PIK3C2G: variants seen among roughly 807,000 people sequenced by gnomAD.
The protein encoded by PIK3C2G is phosphatidylinositol 3-kinase C2 domain-containing subunit gamma.
A neutral mutation model predicts 181.1 loss-of-function variants in PIK3C2G; 168 were observed. The ratio of observed to expected loss-of-function variants is 0.93; its 90% confidence interval spans 0.82 to 1.05. The LOEUF is 1.05. Among genes scored for constraint, PIK3C2G ranks in the 50% least tolerant of loss-of-function variants. The pLI is 0.00. For synonymous variants in PIK3C2G, 573 were observed against 592.2 expected (o/e 0.97, Z 0.47); for missense variants, 1,869 against 1,732.8 (o/e 1.08, Z -1.40).
downstream of PIK3C2G, among the ~76,000 whole-genome samples, chr12:18,649,384 T>C (rs1950321779): frequency 2.0e-5 from 3 of 152,168 alleles, no homozygotes; most frequent in Admixed American, 6.6e-5. Context: ...TCCCATCTCC[T>C]CTGACCTACT....
chr12:18,466,550 A>G (rs1276927536), intron 18 of PIK3C2G, among the ~76,000 whole-genome samples: 1 of 151,912 alleles, frequency 6.6e-6, no homozygotes, highest in Non-Finnish European at 1.5e-5. Context: ...TTATTCATAT[A>G]ATTGCTTTAC....
rs76797720 is a variant in PIK3C2G, at chr12:18,494,645, C to T, written c.2794-1417C>T. Among the ~76,000 whole-genome samples, 736 of 152,166 alleles carry T rather than the reference C, an allele frequency of 4.8e-3. 3 individuals are homozygous for T. Among genetic ancestry groups the T allele is most frequent in the African/African-American group, 0.017 (697 of 41,526 alleles). ...TTCAGCCTCCCTGAACTTGGGATAA[C>T]TCAAAGAGATTCCCCACATATTCAA... is the stretch of plus-strand genomic sequence containing the variant. On this transcript the variant is annotated intron_variant, in intron 20 of 32. Transcript: ENST00000538779.
intron 6 of PIK3C2G, among the ~76,000 whole-genome samples, chr12:18,318,338 CTT>C (rs1261622686): frequency 1.3e-5 from 2 of 152,060 alleles, no homozygotes; most frequent in African/African-American, 4.8e-5. Flanking sequence ...TATTGATTAA[CTT>C]AATATAACTG....
chr12:18,394,103 T>C (rs1413930757), intron 15 of PIK3C2G, among the ~76,000 whole-genome samples: 4 of 152,046 alleles, frequency 2.6e-5, no homozygotes, highest in Non-Finnish European at 5.9e-5. Context: ...CTGGGAGACA[T>C]AGAAATTCTG....
intron 29 of PIK3C2G, among the ~76,000 whole-genome samples, chr12:18,591,807 G>A (rs1371453833): frequency 2.0e-5 from 3 of 151,808 alleles, no homozygotes; most frequent in Non-Finnish European, 2.9e-5. Context: ...TTAAAGGGTA[G>A]CAAGATAAGT....
At chr12:18,646,339 T>C (rs981498630) in intron 32 of PIK3C2G, among the ~76,000 whole-genome samples, 3 of 152,192 alleles carry the variant, frequency 2.0e-5, no homozygotes, top group Non-Finnish European at 4.4e-5. Flanking sequence ...TAATCTCCTG[T>C]ATGGAATGAG....
chr12:18,346,111 C>G (rs187281579), intron 10 of PIK3C2G, among the ~76,000 whole-genome samples: 1 of 152,306 alleles, frequency 6.6e-6, no homozygotes, highest in Admixed American at 6.5e-5. Context: ...CATCATAAAT[C>G]TTTCATTTCA....
In PIK3C2G at chr12:18,497,759, A is replaced by T. The variant is rs1196535446; in HGVS notation, c.3016+11A>T. On this transcript the variant is annotated intron_variant, in intron 22 of 32. Transcript: ENST00000538779. ...CAGGAAAAGACCAAGGTCAGTATAG[A>T]TTAGAAAGTGCGCTGGCTCACATTA... 6.3e-7 allele frequency: 1 copy of T among 1,576,822 alleles called. No individual in the cohort carries two copies. The highest frequency in any genetic ancestry group is 8.6e-7 in the Non-Finnish European group (1 of 1,159,020).
the PIK3C2G span, chr12:18,719,637 AAAAAT>A: frequency 6.4e-6 from 10 of 1,574,750 alleles, no homozygotes; most frequent in South Asian, 2.3e-5. Flanking sequence ...TCCTAACTAA[AAAAAT>A]AAAATAAAAT....
intron 30 of PIK3C2G, among the ~76,000 whole-genome samples, chr12:18,597,186 C>A (rs184160379): frequency 6.7e-6 from 1 of 150,318 alleles, no homozygotes; most frequent in Admixed American, 6.6e-5. Flanking sequence ...ACCAAAACAC[C>A]GAGAAAAATC....
chr12:18,374,917 C>T lies in PIK3C2G; in HGVS notation c.1880+3606C>T, dbSNP rs1272972066. On this transcript the variant is annotated intron_variant, in intron 13 of 32. Transcript: ENST00000538779. Reference sequence around the variant, plus strand: ...ATGATTGTAAGCTTCTTGAGACCTCCCCAGAAGCCCAGCAGATGCCAGCAC... The same window carrying T: ...ATGATTGTAAGCTTCTTGAGACCTCTCCAGAAGCCCAGCAGATGCCAGCAC... 2.0e-5 allele frequency among the ~76,000 whole-genome samples: 3 copies of T among 152,152 alleles called. No individual in the cohort carries two copies. The East Asian group carries it at 5.8e-4, about 29-fold the overall frequency.
At chr12:18,647,244 G>A (rs930592469) in intron 32 of PIK3C2G, among the ~76,000 whole-genome samples, 4 of 151,864 alleles carry the variant, frequency 2.6e-5, no homozygotes, top group African/African-American at 7.3e-5. Flanking sequence ...ATAGAAATTG[G>A]TCTGTTTCAT....
the PIK3C2G span, among the ~76,000 whole-genome samples, chr12:18,723,869 T>C: frequency 6.6e-6 from 1 of 152,082 alleles, no homozygotes; most frequent in Admixed American, 6.6e-5. Context: ...CCAGGCAGTG[T>C]GTAATCTCAT....
chr12:18,247,739 A>G (rs1039456182), exon 1 of PIK3C2G: 1 of 152,208 alleles, frequency 6.6e-6, no homozygotes. Flanking sequence ...GGAAGGGAAG[A>G]TGGAGCCGCC....
chr12:18,683,421 C>T, the PIK3C2G span: 4 of 1,446,628 alleles, frequency 2.8e-6, no homozygotes, highest in African/African-American at 4.2e-5. Context: ...ACTAAGCCTA[C>T]ATTAAAAACC....
At chr12:18,710,043 CAG>C in the PIK3C2G span, among the ~76,000 whole-genome samples, 5 of 151,656 alleles carry the variant, frequency 3.3e-5, no homozygotes, top group African/African-American at 1.2e-4. Context: ...TGAGTTCTAA[CAG>C]GGTTTTTTGT....
intron 18 of PIK3C2G, among the ~76,000 whole-genome samples, chr12:18,485,530 T>C (rs974396931): frequency 2.6e-5 from 4 of 152,204 alleles, no homozygotes; most frequent in Non-Finnish European, 4.4e-5. Context: ...TTTAATCATC[T>C]AGATTTTATG....
intron 25 of PIK3C2G, among the ~76,000 whole-genome samples, chr12:18,544,221 C>T (rs1944309640): frequency 6.6e-6 from 1 of 151,796 alleles, no homozygotes; most frequent in Admixed American, 6.6e-5. Context: ...TGTGCCCAGT[C>T]TGTGCTATAG....
intron 18 of PIK3C2G, among the ~76,000 whole-genome samples, chr12:18,452,910 T>C (rs938612977): frequency 6.6e-5 from 10 of 152,222 alleles, no homozygotes; most frequent in African/African-American, 2.2e-4. Context: ...TCTATTTTGG[T>C]TGCACTGTGG....
Sources: allele counts gnomAD v4.1 joint callset (sites outside exome capture counted in the v4.1 genomes callset), GRCh38; gene constraint gnomAD v4.1.1; transcripts MANE v1.5; gene names NCBI Gene and HGNC (gene_info 2026-07-23, HGNC 2026-07-21).